ABCA13: variants seen among roughly 807,000 people sequenced by gnomAD.
ABCA13 encodes ATP binding cassette subfamily A member 13, also known as ATP-binding cassette sub-family A member 13.
ABCA13 carries 476 observed loss-of-function variants against 478.7 expected under a neutral mutation model. The ratio of observed to expected loss-of-function variants is 0.99; its 90% CI spans 0.92 to 1.07. ABCA13 has a LOEUF of 1.07. Ranked by LOEUF, ABCA13 falls within the 50% of genes least tolerant of loss-of-function variation. ABCA13 has a pLI of 0.00. For missense variants in ABCA13, 6,060 were observed against 5,910.6 expected, an observed-to-expected ratio of 1.03 and a Z score of -0.83; for synonymous variants, 2,252 against 2,158.9, an observed-to-expected ratio of 1.04 and a Z score of -1.20.
At chr7:48,597,001 G>T (rs982142392) in intron 58 of ABCA13, among the ~76,000 whole-genome samples, 2 of 150,980 alleles carry the variant, frequency 1.3e-5, no homozygotes, top group Admixed American at 1.3e-4. Flanking sequence ...ACCCAGGCTG[G>T]AGTGCAGTGG....
At chr7:48,223,154 T>TG (rs901427971) in intron 5 of ABCA13, among the ~76,000 whole-genome samples, 10 of 151,888 alleles carry the variant, frequency 6.6e-5, no homozygotes, top group African/African-American at 2.4e-4. Context: ...TTTACTGAGG[T>TG]GGGGAAAGAC....
At chr7:48,382,999 C>T (rs1315028886) in intron 35 of ABCA13, among the ~76,000 whole-genome samples, 1 of 152,090 alleles carries the variant, frequency 6.6e-6, no homozygotes, top group Non-Finnish European at 1.5e-5. Flanking sequence ...GCTGAGGCCT[C>T]ACCTGTCCTA....
At chr7:48,474,118 G>A (rs1319031282) in intron 45 of ABCA13, among the ~76,000 whole-genome samples, 2 of 151,968 alleles carry the variant, frequency 1.3e-5, no homozygotes, top group Non-Finnish European at 2.9e-5. Context: ...GGGGCAAAGG[G>A]CAAATTTCCC....
intron 40 of ABCA13, among the ~76,000 whole-genome samples, chr7:48,412,056 T>A (rs1240352234): frequency 6.6e-6 from 1 of 152,164 alleles, no homozygotes; most frequent in Non-Finnish European, 1.5e-5. Flanking sequence ...CGGGGGGCAC[T>A]TCATGAATAC....
At chr7:48,297,025 G>A (rs1009349157) in intron 21 of ABCA13, among the ~76,000 whole-genome samples, 1 of 152,114 alleles carries the variant, frequency 6.6e-6, no homozygotes, top group African/African-American at 2.4e-5. Context: ...CTCTGAGAAA[G>A]AAATACTGGA....
chr7:48,384,516 G>A (rs1374398206), intron 35 of ABCA13, among the ~76,000 whole-genome samples: 1 of 152,180 alleles, frequency 6.6e-6, no homozygotes, highest in Non-Finnish European at 1.5e-5. Flanking sequence ...AATTTTACCT[G>A]ACATGTTGGT....
chr7:48,316,852 G>A (rs1160124687), intron 26 of ABCA13, among the ~76,000 whole-genome samples: 3 of 151,994 alleles, frequency 2.0e-5, no homozygotes, highest in Non-Finnish European at 1.5e-5. Flanking sequence ...GCTCTCTTGG[G>A]AACTAATAGA....
Position 48,456,836 on chromosome 7 carries a change from T to G in ABCA13, c.12815+1550T>G, listed in dbSNP as rs542393142. Reference sequence around the variant, plus strand: ...TTTTTTTTCCTATTATAGGCAATGCTGTATAACAATCTTTATTTAGTTAGA... The same window carrying G: ...TTTTTTTTCCTATTATAGGCAATGCGGTATAACAATCTTTATTTAGTTAGA... On this transcript the variant is annotated intron_variant, in intron 43 of 61. Transcript: ENST00000435803. Among the ~76,000 whole-genome samples the G allele has an allele frequency of 4.1e-4, 62 of 152,248 alleles. No homozygotes were observed. In the East Asian group the frequency reaches 0.011, roughly 28 times the overall value.
chr7:48,266,141 A>G (rs1430232334), intron 15 of ABCA13, among the ~76,000 whole-genome samples: 3 of 151,830 alleles, frequency 2.0e-5, no homozygotes, highest in African/African-American at 7.2e-5. Context: ...ATCAAAATAT[A>G]TTACCTTTTT....
intron 57 of ABCA13, among the ~76,000 whole-genome samples, chr7:48,589,564 A>C (rs1257535034): frequency 6.6e-6 from 1 of 152,198 alleles, no homozygotes; most frequent in Admixed American, 6.5e-5. Context: ...TTTCCCCTGT[A>C]TGTGATGAGA....
At chr7:48,467,572 C>A (rs1282556766) in intron 44 of ABCA13, among the ~76,000 whole-genome samples, 2 of 152,086 alleles carry the variant, frequency 1.3e-5, no homozygotes, top group Non-Finnish European at 2.9e-5. Flanking sequence ...GGAGGCCTTT[C>A]TTTATAAACA....
At chr7:48,228,168 G>A (rs1788514427) in intron 6 of ABCA13, among the ~76,000 whole-genome samples, 1 of 152,124 alleles carries the variant, frequency 6.6e-6, no homozygotes, top group African/African-American at 2.4e-5. Flanking sequence ...TGCCATTGGT[G>A]AGAGCCACAT....
At chr7:48,633,952 A>ATAGATAGATAGG (rs1429992583) in intron 59 of ABCA13, among the ~76,000 whole-genome samples, 1 of 151,862 alleles carries the variant, frequency 6.6e-6, no homozygotes, top group African/African-American at 2.4e-5. Flanking sequence ...AGATAGATAG[A>ATAGATAGATAGG]TAGATAGATA....
At chr7:48,280,424 C>T (rs572823085) in intron 18 of ABCA13, among the ~76,000 whole-genome samples, 5 of 152,202 alleles carry the variant, frequency 3.3e-5, no homozygotes, top group Non-Finnish European at 5.9e-5. Context: ...GCCCTCCTAT[C>T]GCTGAAAGTT....
At position 48,281,561 on chromosome 7, in the gene ABCA13, A is replaced by G. The variant is rs1584609631; in HGVS notation, c.8836+109A>G. 3.0e-6 allele frequency: 3 copies of G among 996,322 alleles called. No homozygotes were observed. In the East Asian group the frequency reaches 7.9e-5, roughly 26 times the overall value. The allele number at this position is 996,322 out of a possible 1,614,324, so 61.7% of individuals were successfully genotyped here. A position where few individuals can be genotyped will look rare whatever the true frequency, so the allele number is the denominator to read the frequency against. ...ACTTGAGTTTCTTTTAGAACAAAGC[A>G]CAGCTGTCTTAGTCTGGCAACCAGG... On this transcript the variant is annotated intron_variant, in intron 19 of 61. Coordinates refer to ENST00000435803, the MANE Select transcript of ABCA13 (RefSeq NM_152701.5).
chr7:48,281,658 G>T (rs117205328), intron 19 of ABCA13, among the ~76,000 whole-genome samples: 1,921 of 151,810 alleles, frequency 0.013, 15 homozygotes, highest in Non-Finnish European at 0.02. Flanking sequence ...TGAACGGCCC[G>T]TTCCTGCGCC....
At chr7:48,553,113 C>A (rs67316911) in intron 55 of ABCA13, among the ~76,000 whole-genome samples, 18,307 of 152,050 alleles carry the variant, frequency 0.12, 1,331 homozygotes, top group East Asian at 0.17. Context: ...AACACAATGA[C>A]CACCAGTTCC....
chr7:48,624,294 G>C (rs1382409472), intron 59 of ABCA13, among the ~76,000 whole-genome samples: 1 of 152,126 alleles, frequency 6.6e-6, no homozygotes, highest in African/African-American at 2.4e-5. Context: ...TGCAGACACT[G>C]AGCATATTCC....
At chr7:48,185,364 A>G (rs564792559) in intron 1 of ABCA13, among the ~76,000 whole-genome samples, 1 of 152,344 alleles carries the variant, frequency 6.6e-6, no homozygotes, top group Admixed American at 6.5e-5. Context: ...CTGTTGATGA[A>G]AATTGTCTCA....
Sources: allele counts gnomAD v4.1 joint callset (sites outside exome capture counted in the v4.1 genomes callset), GRCh38; gene constraint gnomAD v4.1.1; transcripts MANE v1.5; gene names NCBI Gene and HGNC (gene_info 2026-07-23, HGNC 2026-07-21).